ATF2: variants seen among roughly 807,000 people sequenced by gnomAD.
The protein encoded by ATF2 is cyclic AMP-dependent transcription factor ATF-2.
In ATF2, 24 loss-of-function variants were observed where a neutral mutation model predicts 60.6. The observed-to-expected ratio is 0.40, with a 90% CI of 0.29 to 0.56. ATF2 has a LOEUF of 0.56. ATF2 is among the 20% of genes least tolerant of loss of function. ATF2 has a pLI of 0.54. For missense variants in ATF2, 433 were observed against 607.7 expected (o/e 0.71, Z 3.02); for synonymous variants, 206 against 215.4 (o/e 0.96, Z 0.38).
chr2:175,117,013 T>G (rs183025235), intron 7 of ATF2, among the ~76,000 whole-genome samples: 61 of 151,540 alleles, frequency 4.0e-4, no homozygotes, highest in African/African-American at 1.5e-3. Context: ...AAGCACAATA[T>G]AAAATAAAGC....
At chr2:175,120,281 T>C (rs1173082463) in intron 5 of ATF2, among the ~76,000 whole-genome samples, 3 of 151,226 alleles carry the variant, frequency 2.0e-5, no homozygotes, top group Non-Finnish European at 4.4e-5. Context: ...GCTCTTAATG[T>C]CTAATGTAAA....
chr2:175,152,032 T>C (rs1037871775), intron 1 of ATF2, among the ~76,000 whole-genome samples: 2 of 152,128 alleles, frequency 1.3e-5, no homozygotes, highest in Non-Finnish European at 2.9e-5. Context: ...ATCGGGGGGA[T>C]AGGAAATATG....
chr2:175,156,862 G>T (rs1699722294), intron 1 of ATF2, among the ~76,000 whole-genome samples: 1 of 152,308 alleles, frequency 6.6e-6, no homozygotes, highest in Non-Finnish European at 1.5e-5. Context: ...TGTTAAGTAG[G>T]TGGTAATGTA....
chr2:175,099,323 T>C (rs1220055759), intron 10 of ATF2, among the ~76,000 whole-genome samples: 1 of 152,090 alleles, frequency 6.6e-6, no homozygotes, highest in Non-Finnish European at 1.5e-5. Context: ...AGGCTGGTCT[T>C]GAACTCCTGA....
Position 175,118,303 on chromosome 2 carries a change from G to T in ATF2, c.266C>A (p.Ala89Glu). 1 of 1,610,532 alleles carries T rather than the reference G, an allele frequency of 6.2e-7. No individual in the cohort carries two copies. Among genetic ancestry groups the T allele is most frequent in the Non-Finnish European group, 8.5e-7 (1 of 1,178,224 alleles). ...CEEVGLFNEL[A>E]SPFENEFKKA... ...CTTGAATTCATTCTCAAATGGACTC[G>T]CCAACTCATTAAACAAACCCACTTC... The change falls in exon 6 of 14, where the codon GCG becomes GAG. Residue 89 changes from alanine to glutamate, a missense_variant. Ala to Glu is a moderately radical substitution (Grantham distance 107, BLOSUM62 -1). This residue lies in a region of ATF2 where 29 missense variants were observed against 102.1 expected (regional missense o/e 0.28). Coordinates refer to ENST00000264110, the MANE Select transcript of ATF2 (RefSeq NM_001880.4).
chr2:175,161,811 A>G (rs570800266), intron 1 of ATF2, among the ~76,000 whole-genome samples: 1 of 150,702 alleles, frequency 6.6e-6, no homozygotes, highest in Non-Finnish European at 1.5e-5. Context: ...CCCAGGATAG[A>G]GTGCACTGGC....
At chr2:175,159,842 T>C (rs1014473488) in intron 1 of ATF2, among the ~76,000 whole-genome samples, 9 of 152,226 alleles carry the variant, frequency 5.9e-5, no homozygotes, top group African/African-American at 2.2e-4. Flanking sequence ...GCACAAGTTG[T>C]GCTAATAACA....
chr2:175,118,655 G>A (rs1696747760), intron 5 of ATF2, among the ~76,000 whole-genome samples: 2 of 150,988 alleles, frequency 1.3e-5, no homozygotes, highest in African/African-American at 2.4e-5. Flanking sequence ...CTCTACTCAA[G>A]AGATAAACTA....
chr2:175,150,586 T>C (rs1699246885), intron 2 of ATF2, among the ~76,000 whole-genome samples: 1 of 152,156 alleles, frequency 6.6e-6, no homozygotes, highest in Admixed American at 6.6e-5. Flanking sequence ...ACAACTGTGG[T>C]AATAAACTTA....
At position 175,104,959 on chromosome 2, in the gene ATF2, G is replaced by T. The variant is rs968989050; in HGVS notation, c.828+6609C>A. ...AGATAATGGGCCTGTGATTTTAGTT[G>T]TAAGTGCTGAGATAATCTTAAGTAA... On this transcript the variant is annotated intron_variant, in intron 10 of 13. Transcript: ENST00000264110. Among the ~76,000 whole-genome samples the T allele has an allele frequency of 4.6e-5, 7 of 152,120 alleles. No individual in the cohort carries two copies. In the East Asian group the frequency reaches 5.8e-4, roughly 13 times the overall value.
intron 1 of ATF2, 159 bp downstream of exon 1, chr2:175,167,891 C>T: frequency 2.6e-6 from 1 of 388,850 alleles, no homozygotes; most frequent in Non-Finnish European, 5.4e-6. Flanking sequence ...GGCAGCACAG[C>T]CACAATCGCC....
intron 4 of ATF2, among the ~76,000 whole-genome samples, chr2:175,128,517 T>C (rs903806967): frequency 6.7e-6 from 1 of 148,698 alleles, no homozygotes; most frequent in Non-Finnish European, 1.5e-5. Context: ...AAAAAAAAAG[T>C]TAGCTTCAAC....
chr2:175,109,428 T>C (rs1010017507), intron 10 of ATF2, among the ~76,000 whole-genome samples: 2 of 152,194 alleles, frequency 1.3e-5, no homozygotes, highest in Non-Finnish European at 2.9e-5. Context: ...AATCTATGGT[T>C]ACAAACATCA....
chr2:175,167,262 G>A (rs867141527), intron 1 of ATF2, among the ~76,000 whole-genome samples: 10 of 151,822 alleles, frequency 6.6e-5, no homozygotes, highest in Non-Finnish European at 1.2e-4. Context: ...CTGGTCCCTA[G>A]GGCATTGATG....
At chr2:175,146,638 T>C (rs1259401743) in intron 2 of ATF2, among the ~76,000 whole-genome samples, 1 of 152,214 alleles carries the variant, frequency 6.6e-6, no homozygotes, top group Admixed American at 6.5e-5. Flanking sequence ...AAATATTAAA[T>C]GGACAACTCC....
chr2:175,136,559 G>C (rs535337659), intron 2 of ATF2, 73 bp from the exon 3 acceptor site: 73 of 991,888 alleles, frequency 7.4e-5, no homozygotes, highest in Non-Finnish European at 1.1e-4. Context: ...AAAATAAAGT[G>C]CTCAAATTAC....
chr2:175,165,507 T>G (rs1700295602), intron 1 of ATF2, among the ~76,000 whole-genome samples: 1 of 152,220 alleles, frequency 6.6e-6, no homozygotes, highest in Non-Finnish European at 1.5e-5. Flanking sequence ...TACAAAAATT[T>G]GGGTAGAAAA....
At chr2:175,166,142 G>A (rs569618118) in intron 1 of ATF2, among the ~76,000 whole-genome samples, 1 of 152,134 alleles carries the variant, frequency 6.6e-6, no homozygotes, top group African/African-American at 2.4e-5. Context: ...AAGGTATTAT[G>A]TACACTACAC....
Position 175,080,621 on chromosome 2 carries a change from G to C in ATF2, c.1291+39C>G, listed in dbSNP as rs367639587. 1.3e-4 allele frequency: 202 copies of C among 1,509,156 alleles called. 1 individual carries two copies. Among genetic ancestry groups the C allele is most frequent in the Admixed American group, 4.3e-4 (25 of 57,820 alleles). The allele number at this position is 1,509,156 out of a possible 1,614,324, so 93.5% of individuals were successfully genotyped here. ...CAGTTCACTCTGACGGTATTTCACT[G>C]ACGTAGCCTAAGGCTATAGGTAATG... On this transcript the variant is annotated intron_variant, in intron 13 of 13. Coordinates refer to ENST00000264110, the MANE Select transcript of ATF2 (RefSeq NM_001880.4).
Sources: gnomAD v4.1 joint callset for allele counts (sites outside exome capture counted in the v4.1 genomes callset) on GRCh38, gnomAD v4.1.1 for gene constraint, gnomAD v4.1.1 regional missense constraint, MANE v1.5 for transcripts, NCBI Gene and HGNC (gene_info 2026-07-23, HGNC 2026-07-21) for gene names.